DSCAM: variants seen among roughly 807,000 people sequenced by gnomAD.
DSCAM encodes cell adhesion molecule DSCAM.
Under a neutral mutation model 217.7 loss-of-function variants are expected in DSCAM, and 47 were observed. The ratio of observed to expected loss-of-function variants is 0.22; its 90% CI spans 0.17 to 0.28. The LOEUF (loss-of-function observed/expected upper bound fraction) is 0.28, where lower values mean the gene tolerates loss of function less well. Ranked by LOEUF, DSCAM falls within the 10% of genes least tolerant of loss-of-function variation. The pLI, the probability that DSCAM is intolerant of heterozygous loss-of-function variation, is 1.00. For missense variants in DSCAM, 2,080 were observed against 2,618.3 expected, an observed-to-expected ratio of 0.79 and a Z score of 4.49; for synonymous variants, 1,056 against 1,015.3, an observed-to-expected ratio of 1.04 and a Z score of -0.76.
intron 3 of DSCAM, among the ~76,000 whole-genome samples, chr21:40,485,825 TATAC>T (rs1215039033): frequency 6.6e-6 from 1 of 152,158 alleles, no homozygotes; most frequent in Non-Finnish European, 1.5e-5. Context: ...TACACACATA[TATAC>T]ATACACATAC....
intron 32 of DSCAM, among the ~76,000 whole-genome samples, chr21:40,041,627 T>C (rs565402312): frequency 3.4e-4 from 51 of 152,160 alleles, no homozygotes; most frequent in Non-Finnish European, 6.8e-4. Flanking sequence ...TTCTATTATC[T>C]GCCATGCCTT....
chr21:40,289,450 G>T (rs1252291370), intron 10 of DSCAM, among the ~76,000 whole-genome samples: 1 of 152,154 alleles, frequency 6.6e-6, no homozygotes, highest in Non-Finnish European at 1.5e-5. Context: ...TGGGGACATG[G>T]ATTTTCTTCA....
At chr21:40,629,189 T>G (rs1321199581) in intron 3 of DSCAM, among the ~76,000 whole-genome samples, 1 of 152,092 alleles carries the variant, frequency 6.6e-6, no homozygotes, top group African/African-American at 2.4e-5. Context: ...TAATTTAGTC[T>G]CTACTCTTAT....
chr21:40,172,948 A>G (rs1568980642), intron 15 of DSCAM, among the ~76,000 whole-genome samples: 1 of 152,230 alleles, frequency 6.6e-6, no homozygotes, highest in East Asian at 1.9e-4. Flanking sequence ...GTAAAAATCA[A>G]AATACGACAA....
intron 11 of DSCAM, among the ~76,000 whole-genome samples, chr21:40,253,490 G>A (rs1197607772): frequency 6.6e-6 from 1 of 152,138 alleles, no homozygotes; most frequent in Non-Finnish European, 1.5e-5. Context: ...ATGCTAATGA[G>A]GTGACTTATG....
chr21:40,223,969 A>T (rs1191380891), intron 11 of DSCAM, among the ~76,000 whole-genome samples: 1 of 152,222 alleles, frequency 6.6e-6, no homozygotes, highest in Admixed American at 6.5e-5. Flanking sequence ...TGGGGAATGC[A>T]CTTGCATTTC....
chr21:40,375,735 A>G (rs992652239), intron 3 of DSCAM, among the ~76,000 whole-genome samples: 2 of 152,180 alleles, frequency 1.3e-5, no homozygotes, highest in African/African-American at 2.4e-5. Flanking sequence ...ATGACATCCT[A>G]AAATATTTGT....
chr21:40,687,763 T>G (rs2146440476), intron 3 of DSCAM, among the ~76,000 whole-genome samples: 1 of 152,330 alleles, frequency 6.6e-6, no homozygotes, highest in East Asian at 1.9e-4. Context: ...AGCTACAGCC[T>G]CAGGCCCTAA....
At chr21:40,119,413 C>G (rs1016467844) in intron 20 of DSCAM, among the ~76,000 whole-genome samples, 3 of 151,992 alleles carry the variant, frequency 2.0e-5, no homozygotes, top group Non-Finnish European at 4.4e-5. Flanking sequence ...ACATTGAATG[C>G]GAAGTACTGG....
At chr21:40,514,885 G>C (rs1296304206) in intron 3 of DSCAM, among the ~76,000 whole-genome samples, 4 of 152,192 alleles carry the variant, frequency 2.6e-5, no homozygotes, top group Non-Finnish European at 5.9e-5. Context: ...GAATGGGTCA[G>C]CTGATCATTC....
chr21:40,258,335 C>G (rs886168113), intron 11 of DSCAM, among the ~76,000 whole-genome samples: 1 of 152,178 alleles, frequency 6.6e-6, no homozygotes, highest in African/African-American at 2.4e-5. Flanking sequence ...AAATGTTATT[C>G]TCAAATGACA....
intron 3 of DSCAM, among the ~76,000 whole-genome samples, chr21:40,654,695 G>A (rs577079178): frequency 5.9e-5 from 9 of 152,172 alleles, no homozygotes; most frequent in East Asian, 3.9e-4. Context: ...AGTGCCTGGC[G>A]GAGTTTTCCT....
intron 3 of DSCAM, among the ~76,000 whole-genome samples, chr21:40,578,493 T>C (rs537176582): frequency 6.6e-6 from 1 of 151,586 alleles, no homozygotes; most frequent in Non-Finnish European, 1.5e-5. Flanking sequence ...CTCTGTAAAA[T>C]GGACCAATCA....
intron 1 of DSCAM, among the ~76,000 whole-genome samples, chr21:40,810,023 TCCCCACCACCTGCTG>T (rs2123538050): frequency 6.6e-6 from 1 of 152,238 alleles, no homozygotes; most frequent in Admixed American, 6.5e-5. Flanking sequence ...GGAACAGCCG[TCCCCACCACCTGCTG>T]CCCAGTAAGG....
At chr21:40,043,729 C>T (rs771712256) in intron 31 of DSCAM, among the ~76,000 whole-genome samples, 1 of 152,176 alleles carries the variant, frequency 6.6e-6, no homozygotes, top group Non-Finnish European at 1.5e-5. Flanking sequence ...GGGTCAGACG[C>T]CCTCAGAGTG....
chr21:40,771,705 C>T (rs1413298775), intron 1 of DSCAM, among the ~76,000 whole-genome samples: 1 of 152,152 alleles, frequency 6.6e-6, no homozygotes, highest in Non-Finnish European at 1.5e-5. Context: ...TGAACAATTC[C>T]TTTTTTACTC....
intron 18 of DSCAM, among the ~76,000 whole-genome samples, chr21:40,138,609 G>A (rs900319188): frequency 2.8e-5 from 4 of 141,104 alleles, no homozygotes; most frequent in Non-Finnish European, 4.6e-5. Context: ...GGTGAGGTGT[G>A]TGTGGTGAGT....
chr21:40,741,544 C>CG (rs397866806), intron 1 of DSCAM, among the ~76,000 whole-genome samples: 5 of 151,922 alleles, frequency 3.3e-5, no homozygotes, highest in Non-Finnish European at 5.9e-5. Flanking sequence ...TCTCAGCCCC[C>CG]AAACTCAGAG....
At chr21:40,532,915 C>T (rs558898907) in intron 3 of DSCAM, among the ~76,000 whole-genome samples, 10 of 144,886 alleles carry the variant, frequency 6.9e-5, no homozygotes, top group East Asian at 2.4e-4. Context: ...TGTGTGCACA[C>T]GCACGCGCAT....
Sources: gnomAD v4.1 joint callset for allele counts (sites outside exome capture counted in the v4.1 genomes callset) on GRCh38, gnomAD v4.1.1 for gene constraint, MANE v1.5 for transcripts, NCBI Gene and HGNC (gene_info 2026-07-23, HGNC 2026-07-21) for gene names.